MYBPC1: variants seen among roughly 807,000 people sequenced by gnomAD.
The protein encoded by MYBPC1 is myosin binding protein C1, also known as myosin-binding protein C, slow-type.
In MYBPC1, 52 loss-of-function variants were observed where a neutral mutation model predicts 147.1. The observed-to-expected ratio is 0.35, with a 90% CI of 0.28 to 0.45. The LOEUF is 0.45. MYBPC1 is among the 20% of genes least tolerant of loss of function. The pLI is 1.00. For synonymous variants in MYBPC1, 477 were observed against 475.9 expected (o/e 1.00, Z -0.03); for missense variants, 1,228 against 1,440.3 (o/e 0.85, Z 2.39).
rs1951315393 is a variant in MYBPC1, at chr12:101,685,741, GA to G, written c.*184del. The G allele has an allele frequency of 3.2e-6, 4 of 1,246,656 alleles. No individual in the cohort carries two copies. Among genetic ancestry groups the G allele is most frequent in the Non-Finnish European group, 1.1e-6 (1 of 919,418 alleles). The allele number at this position is 1,246,656 out of a possible 1,614,324, so 77.2% of individuals were successfully genotyped here. Reference sequence around the variant, plus strand: ...CTGCTTTGAAATCTGGTTGAAATGAGAAAAAGCATTTTCTGTTTTCCCACCA... The same window carrying G: ...CTGCTTTGAAATCTGGTTGAAATGAGAAAAGCATTTTCTGTTTTCCCACCA... On this transcript the variant is annotated 3_prime_UTR_variant, in exon 32 of 32. Transcript: ENST00000361466.
At chr12:101,688,166 T>C (rs970064517), downstream of MYBPC1, among the ~76,000 whole-genome samples, 30 of 152,340 alleles carry the variant, frequency 2.0e-4, no homozygotes, top group African/African-American at 6.0e-4. Flanking sequence ...ATGCCTGTAA[T>C]CCCAGCACTT....
chr12:101,662,262 T>G (rs1896702791), intron 20 of MYBPC1, 96 bp from the exon 21 acceptor site: 9 of 1,230,566 alleles, frequency 7.3e-6, no homozygotes, highest in Non-Finnish European at 9.3e-6. Flanking sequence ...CATAGATTGA[T>G]GACAAAATGC....
At chr12:101,632,630 C>A (rs776068175) in intron 8 of MYBPC1, among the ~76,000 whole-genome samples, 2 of 152,174 alleles carry the variant, frequency 1.3e-5, no homozygotes, top group Non-Finnish European at 2.9e-5. Flanking sequence ...AAAAAACTCG[C>A]TTTTACAAGT....
intron 3 of MYBPC1, among the ~76,000 whole-genome samples, chr12:101,622,593 G>A (rs1302399176): frequency 6.6e-6 from 1 of 152,182 alleles, no homozygotes; most frequent in Non-Finnish European, 1.5e-5. Flanking sequence ...AAATTAGCCA[G>A]GCATGGTGAC....
the MYBPC1 span, among the ~76,000 whole-genome samples, chr12:101,692,281 A>G: frequency 3.9e-5 from 6 of 152,346 alleles, no homozygotes; most frequent in Admixed American, 2.0e-4. Flanking sequence ...ATTTAGTACA[A>G]TAATTTTTTT....
chr12:101,620,832 A>C (rs759127604), intron 3 of MYBPC1, among the ~76,000 whole-genome samples: 40 of 152,198 alleles, frequency 2.6e-4, no homozygotes, highest in Non-Finnish European at 5.0e-4. Context: ...TTCAATTGGT[A>C]AAGTTACTTC....
intron 9 of MYBPC1, 87 bp from the exon 10 acceptor site, chr12:101,636,585 T>A: frequency 9.3e-7 from 1 of 1,080,086 alleles, no homozygotes; most frequent in Admixed American, 1.7e-5. Flanking sequence ...CAAAATTGCA[T>A]ATACGTTACA....
chr12:101,659,471 A>G (rs1469380852), intron 18 of MYBPC1, among the ~76,000 whole-genome samples: 2 of 152,188 alleles, frequency 1.3e-5, no homozygotes, highest in South Asian at 2.1e-4. Context: ...CCTTGTCATT[A>G]GAGTTGGGGG....
chr12:101,686,971 C>T (rs532644451), downstream of MYBPC1, among the ~76,000 whole-genome samples: 32 of 152,160 alleles, frequency 2.1e-4, no homozygotes, highest in Non-Finnish European at 4.3e-4. Context: ...ACCCCTGCTC[C>T]TATGCTCCCA....
intron 1 of MYBPC1, among the ~76,000 whole-genome samples, chr12:101,597,537 G>A (rs1375360069): frequency 6.6e-6 from 1 of 152,214 alleles, no homozygotes; most frequent in African/African-American, 2.4e-5. Context: ...GATCTTGGGA[G>A]AGCTGGTTCT....
At chr12:101,633,075 G>A (rs752545687) in intron 8 of MYBPC1, among the ~76,000 whole-genome samples, 1 of 152,162 alleles carries the variant, frequency 6.6e-6, no homozygotes, top group Non-Finnish European at 1.5e-5. Context: ...AGTGCTATAG[G>A]ATCTAAGTTT....
chr12:101,616,340 C>A (rs1264654852), intron 2 of MYBPC1, among the ~76,000 whole-genome samples: 2 of 152,178 alleles, frequency 1.3e-5, no homozygotes, highest in Admixed American at 6.6e-5. Flanking sequence ...TATAAACAAA[C>A]CTTTCCCTTC....
At chr12:101,671,405 C>A (rs1383250680) in intron 24 of MYBPC1, among the ~76,000 whole-genome samples, 1 of 151,922 alleles carries the variant, frequency 6.6e-6, no homozygotes, top group Non-Finnish European at 1.5e-5. Context: ...ACCCAGGCTC[C>A]CATGAAACCA....
Position 101,642,494 on chromosome 12 carries a change from C to T in MYBPC1, c.741C>T (p.Tyr247=), listed in dbSNP as rs1470203655. The T allele has an allele frequency of 3.1e-6, 5 of 1,613,848 alleles. No individual in the cohort carries two copies. The South Asian group carries it at 3.3e-5, about 11-fold the overall frequency. Residue 247 remains tyrosine (Y), a synonymous_variant, in exon 11 of 32, where the codon TAC becomes TAT. Transcript: ENST00000361466. ...TGAAGAACGCGAAACCCAGTGAGTACGAGAAGATCGCCTTCCAGTATGGAA... is the reference window on the plus strand; with the variant it reads ...TGAAGAACGCGAAACCCAGTGAGTATGAGAAGATCGCCTTCCAGTATGGAA... The part of the protein sequence containing the change: ...ELLKNAKPSE[Y]EKIAFQYGIT...
downstream of MYBPC1, among the ~76,000 whole-genome samples, chr12:101,688,675 T>C (rs574170711): frequency 6.6e-6 from 1 of 152,192 alleles, no homozygotes; most frequent in Non-Finnish European, 1.5e-5. Context: ...ATAAAGGTAC[T>C]TGAGGCTGGG....
intron 6 of MYBPC1, 54 bp downstream of exon 6, chr12:101,629,598 C>T (rs1889415744): frequency 3.2e-6 from 4 of 1,232,582 alleles, no homozygotes; most frequent in Non-Finnish European, 4.7e-6. Context: ...GTGAGCCGAG[C>T]ACGGTGCCTC....
chr12:101,631,586 T>C lies in MYBPC1; in HGVS notation c.305T>C (p.Phe102Ser). ...GTVKVGEDIT[F>S]IAKVKAEDLL... The stretch of plus-strand genomic sequence containing the variant: ...CTTCTTCTAGGTGAAGATATCACCT[T>C]CATAGCCAAAGTCAAGGCTGAAGAT... Residue 102 changes from phenylalanine to serine, a missense_variant, in exon 7 of 32, where the codon TTC becomes TCC. Phe to Ser is a radical substitution (Grantham distance 155). Around this residue, in one of 2 missense-constraint regions of MYBPC1, gnomAD observed 151 missense variants for 126.1 expected, o/e 1.20. Transcript: ENST00000361466. 6.2e-7 allele frequency: 1 copy of C among 1,614,106 alleles called. No individual in the cohort carries two copies. The highest frequency in any genetic ancestry group is 8.5e-7 in the Non-Finnish European group (1 of 1,179,990).
In MYBPC1 at chr12:101,606,203, AAC is replaced by A. The variant is rs113061042; in HGVS notation, c.26-8261_26-8260del. On this transcript the variant is annotated intron_variant, in intron 1 of 31. Coordinates refer to ENST00000361466, the MANE Select transcript of MYBPC1 (RefSeq NM_002465.4). ...ATGAGACCTTTCTTCTCAAAAAAGA[AAC>A]ACACACACACACACACACACACACA... Among the ~76,000 whole-genome samples, 976 of 145,684 alleles carry A rather than the reference AAC, an allele frequency of 6.7e-3. 5 individuals are homozygous for A. The highest frequency in any genetic ancestry group is 0.022 in the South Asian group (97 of 4,508).
intron 16 of MYBPC1, among the ~76,000 whole-genome samples, chr12:101,652,032 C>A (rs1025118394): frequency 3.9e-5 from 6 of 152,206 alleles, no homozygotes; most frequent in African/African-American, 1.4e-4. Flanking sequence ...ATAAGTGTCA[C>A]AATGCCTTCC....
Sources: gnomAD v4.1 joint callset for allele counts (sites outside exome capture counted in the v4.1 genomes callset) on GRCh38, gnomAD v4.1.1 for gene constraint, gnomAD v4.1.1 regional missense constraint, MANE v1.5 for transcripts, NCBI Gene and HGNC (gene_info 2026-07-23, HGNC 2026-07-21) for gene names.